Variants in MINAR1 observed in about 807,000 individuals in gnomAD.
The protein encoded by MINAR1 is membrane integral NOTCH2 associated receptor 1.
MINAR1 carries 40 observed loss-of-function variants against 65.1 expected under a neutral mutation model. The observed-to-expected ratio is 0.61, with a 90% CI of 0.48 to 0.80. MINAR1 has a LOEUF of 0.80. MINAR1 is among the 30% of genes least tolerant of loss of function. The pLI is 0.00. For missense variants in MINAR1, 1,128 were observed against 1,148.0 expected (o/e 0.98, Z 0.25); for synonymous variants, 482 against 449.1 (o/e 1.07, Z -0.93).
intron 1 of MINAR1, among the ~76,000 whole-genome samples, chr15:79,441,950 C>A (rs1894881409): frequency 6.6e-6 from 1 of 151,694 alleles, no homozygotes; most frequent in African/African-American, 2.4e-5. Flanking sequence ...GTAAATTAAC[C>A]ATTTGTTTCT....
At chr15:79,441,346 T>G (rs1894862497) in intron 1 of MINAR1, among the ~76,000 whole-genome samples, 1 of 152,176 alleles carries the variant, frequency 6.6e-6, no homozygotes, top group African/African-American at 2.4e-5. Context: ...AGTGGTATAC[T>G]TTTTCACTTA....
At chr15:79,460,044 C>G (rs995880251) in intron 2 of MINAR1, among the ~76,000 whole-genome samples, 1 of 152,220 alleles carries the variant, frequency 6.6e-6, no homozygotes, top group African/African-American at 2.4e-5. Context: ...TGCCTCCCAC[C>G]TATCAAATGT....
intron 1 of MINAR1, among the ~76,000 whole-genome samples, chr15:79,433,111 G>T (rs1894498713): frequency 1.3e-5 from 2 of 152,226 alleles, no homozygotes; most frequent in South Asian, 4.1e-4. Context: ...GCTGGGCCTG[G>T]CCCGCGGGGA....
At chr15:79,413,996 AG>A in the MINAR1 span, 1 of 152,186 alleles carries the variant, frequency 6.6e-6, no homozygotes, top group Non-Finnish European at 1.5e-5. Context: ...GATACTGTCT[AG>A]GGGGAGGTGG....
chr15:79,454,800 G>A (rs1475614583), intron 1 of MINAR1, among the ~76,000 whole-genome samples: 1 of 152,208 alleles, frequency 6.6e-6, no homozygotes. Flanking sequence ...ACTTTCTGGG[G>A]CAATGGGAAC....
the MINAR1 span, chr15:79,416,033 C>T: frequency 2.0e-5 from 3 of 152,202 alleles, no homozygotes; most frequent in South Asian, 6.2e-4. Flanking sequence ...AATGGTAATA[C>T]ACAGTATATG....
chr15:79,428,399 T>C (rs1894366058), upstream of MINAR1, among the ~76,000 whole-genome samples: 3 of 94,070 alleles, frequency 3.2e-5, no homozygotes, highest in African/African-American at 4.2e-5. Context: ...TCTCCCTCTC[T>C]CCCTCCCTCC....
At chr15:79,463,586 T>A in intron 3 of MINAR1, 1 of 644,150 alleles carries the variant, frequency 1.6e-6, no homozygotes, top group Non-Finnish European at 2.9e-6. Context: ...TCTGATTTGC[T>A]AACAATGCAT....
At chr15:79,461,518 T>C (rs1351485606) in intron 2 of MINAR1, among the ~76,000 whole-genome samples, 1 of 152,116 alleles carries the variant, frequency 6.6e-6, no homozygotes, top group Non-Finnish European at 1.5e-5. Context: ...TGTTGGGCGG[T>C]GGTGATGAGC....
At position 79,456,120 on chromosome 15, in the gene MINAR1, A is replaced by G. The variant is rs1458579483; in HGVS notation, c.-28A>G. The G allele has an allele frequency of 1.3e-6, 2 of 1,599,448 alleles. No homozygotes were observed. Among genetic ancestry groups the G allele is most frequent in the South Asian group, 2.3e-5 (2 of 88,662 alleles). On this transcript the variant is annotated 5_prime_UTR_variant, in exon 2 of 4. Transcript: ENST00000305428. ...CAGAACTGACCTGAAGTTTCAGTGTAGTCAGAGAGCTCTTCAAGTAATAAA... is the reference window on the plus strand; with the variant it reads ...CAGAACTGACCTGAAGTTTCAGTGTGGTCAGAGAGCTCTTCAAGTAATAAA...
At position 79,468,179 on chromosome 15, in the gene MINAR1, G is replaced by A. The variant is rs368094366; in HGVS notation, c.2554-8G>A. 60 of 1,610,172 alleles carry A rather than the reference G, an allele frequency of 3.7e-5. No individual in the cohort carries two copies. Among genetic ancestry groups the A allele is most frequent in the East Asian group, 2.2e-4 (10 of 44,864 alleles). The stretch of plus-strand genomic sequence containing the variant: ...ACTGTATTTCTAACATCTTCTCTTC[G>A]CTTTTAGACGCAAGAATCTTTAAAC... On this transcript the variant is annotated splice_region_variant and splice_polypyrimidine_tract_variant and intron_variant, in intron 3 of 3. Transcript: ENST00000305428.
At chr15:79,456,044 A>G in intron 1 of MINAR1, 54 bp from the exon 2 acceptor site, 2 of 1,115,522 alleles carry the variant, frequency 1.8e-6, no homozygotes, top group South Asian at 3.2e-5. Flanking sequence ...TTCAAACTCC[A>G]CTGGTGTTTA....
chr15:79,458,872 G>C (rs538742618), intron 2 of MINAR1, among the ~76,000 whole-genome samples: 1 of 152,166 alleles, frequency 6.6e-6, no homozygotes, highest in Non-Finnish European at 1.5e-5. Flanking sequence ...GGACTTCATT[G>C]TATGTGTGAT....
At chr15:79,415,955 T>C in the MINAR1 span, 1 of 152,334 alleles carries the variant, frequency 6.6e-6, no homozygotes, top group East Asian at 1.9e-4. Flanking sequence ...CATCAACTAT[T>C]ACTTTCCCTT....
chr15:79,435,434 C>T (rs914800075), intron 1 of MINAR1, among the ~76,000 whole-genome samples: 1 of 152,332 alleles, frequency 6.6e-6, no homozygotes, highest in South Asian at 2.1e-4. Flanking sequence ...TGCAATATGG[C>T]ATATTCCCTC....
At chr15:79,460,377 T>TAAAAA (rs1895602427) in intron 2 of MINAR1, among the ~76,000 whole-genome samples, 1 of 152,204 alleles carries the variant, frequency 6.6e-6, no homozygotes, top group Non-Finnish European at 1.5e-5. Flanking sequence ...AAAACAGTGT[T>TAAAAA]CCCTCTCACT....
the MINAR1 span, chr15:79,423,878 T>G: frequency 2.6e-5 from 4 of 152,252 alleles, no homozygotes; most frequent in African/African-American, 4.8e-5. Context: ...ACCTGGCATG[T>G]AACAAATTCT....
At chr15:79,437,754 A>T (rs1595928710) in intron 1 of MINAR1, among the ~76,000 whole-genome samples, 1 of 24,044 alleles carries the variant, frequency 4.2e-5, no homozygotes, top group Admixed American at 6.5e-4. Context: ...GTGTGTAGGT[A>T]GTGTGTGGGG....
chr15:79,436,943 C>G (rs1894617895), intron 1 of MINAR1, among the ~76,000 whole-genome samples: 1 of 152,206 alleles, frequency 6.6e-6, no homozygotes. Context: ...TTCTTCCTGC[C>G]ATTTACTTTG....
Sources: gnomAD v4.1 joint callset for allele counts (sites outside exome capture counted in the v4.1 genomes callset) on GRCh38, gnomAD v4.1.1 for gene constraint, MANE v1.5 for transcripts, NCBI Gene and HGNC (gene_info 2026-07-23, HGNC 2026-07-21) for gene names.